Variants in GPR149 observed in about 807,000 individuals in gnomAD.
The protein encoded by GPR149 is G protein-coupled receptor 149, also known as probable G protein-coupled receptor 149.
In GPR149, 50 loss-of-function variants were observed where a neutral mutation model predicts 50.2. The observed-to-expected ratio is 1.00, with a 90% confidence interval of 0.79 to 1.26. The LOEUF (loss-of-function observed/expected upper bound fraction) is 1.26. Among genes scored for constraint, GPR149 ranks in the 50% most tolerant of loss-of-function variants. The pLI is 0.00. For missense variants in GPR149, 983 were observed against 895.4 expected, an observed-to-expected ratio of 1.10 and a Z score of -1.25; for synonymous variants, 405 against 358.2, an observed-to-expected ratio of 1.13 and a Z score of -1.48.
intron 3 of GPR149, chr3:154,353,460 A>G (rs1714135935): frequency 1.1e-6 from 1 of 941,994 alleles, no homozygotes; most frequent in Non-Finnish European, 1.8e-6. Flanking sequence ...CGTTTGATCC[A>G]CTTCATCAAG....
chr3:154,359,334 G>A (rs1714325288), intron 3 of GPR149, among the ~76,000 whole-genome samples: 2 of 152,132 alleles, frequency 1.3e-5, no homozygotes. Context: ...AGTTGGCCAA[G>A]AAAGGAAGTT....
intron 3 of GPR149, 56 bp downstream of exon 3, chr3:154,420,983 G>T: frequency 8.1e-7 from 1 of 1,237,882 alleles, no homozygotes; most frequent in South Asian, 1.5e-5. Context: ...TGTTTTTCAT[G>T]ACTATCATAT....
At chr3:154,372,996 G>A (rs1210187448) in intron 3 of GPR149, among the ~76,000 whole-genome samples, 1 of 152,162 alleles carries the variant, frequency 6.6e-6, no homozygotes, top group Non-Finnish European at 1.5e-5. Flanking sequence ...TCAGTAGCAG[G>A]AGATTGGGTC....
intron 2 of GPR149, 84 bp from the exon 3 acceptor site, chr3:154,421,571 A>T: frequency 1.5e-6 from 1 of 653,724 alleles, no homozygotes; most frequent in Non-Finnish European, 2.4e-6. Context: ...AAAAATAGAA[A>T]GCGCATTCAA....
chr3:154,374,098 A>G (rs567469605), intron 3 of GPR149, among the ~76,000 whole-genome samples: 68 of 151,980 alleles, frequency 4.5e-4, no homozygotes, highest in Middle Eastern at 3.4e-3. Flanking sequence ...CGAGAGCTCA[A>G]TCATATATCT....
At chr3:154,361,824 C>A (rs1252506843) in intron 3 of GPR149, among the ~76,000 whole-genome samples, 1 of 152,250 alleles carries the variant, frequency 6.6e-6, no homozygotes, top group South Asian at 2.1e-4. Context: ...GACCTCTAAT[C>A]TTTATTCTTT....
intron 3 of GPR149, among the ~76,000 whole-genome samples, chr3:154,366,975 T>G (rs1035269361): frequency 1.3e-5 from 2 of 152,218 alleles, no homozygotes; most frequent in African/African-American, 4.8e-5. Flanking sequence ...AGTTCATTTG[T>G]GCTGCTTTAA....
chr3:154,352,431 T>A, intron 3 of GPR149: 1 of 877,136 alleles, frequency 1.1e-6, no homozygotes, highest in Non-Finnish European at 2.0e-6. Context: ...CCTTTCTGAT[T>A]CAGTTGTAGG....
At chr3:154,373,527 A>G (rs1420949319) in intron 3 of GPR149, among the ~76,000 whole-genome samples, 2 of 152,192 alleles carry the variant, frequency 1.3e-5, no homozygotes, top group African/African-American at 4.8e-5. Context: ...TTTATCTGAC[A>G]GTTTCAATTT....
In GPR149 at chr3:154,412,047, A is replaced by C. The variant is rs142814066; in HGVS notation, c.1623+8992T>G. 7.2e-4 allele frequency among the ~76,000 whole-genome samples: 109 copies of C among 152,322 alleles called. 1 individual carries two copies. Among genetic ancestry groups the C allele is most frequent in the African/African-American group, 2.5e-3 (104 of 41,570 alleles). Reference sequence around the variant, plus strand: ...CAGGAATGCAGGAATGGTTTAACATATGTAAGTCCATAAATGTAATACACC... The same window carrying C: ...CAGGAATGCAGGAATGGTTTAACATCTGTAAGTCCATAAATGTAATACACC... On this transcript the variant is annotated intron_variant, in intron 3 of 3. Transcript: ENST00000389740.
chr3:154,416,128 C>G (rs1028006440), intron 3 of GPR149, among the ~76,000 whole-genome samples: 2 of 151,762 alleles, frequency 1.3e-5, no homozygotes, highest in Non-Finnish European at 2.9e-5. Flanking sequence ...AAAAGATGCA[C>G]AGTTTTTAGG....
chr3:154,392,096 A>G (rs1715185251), intron 3 of GPR149, among the ~76,000 whole-genome samples: 1 of 151,936 alleles, frequency 6.6e-6, no homozygotes, highest in South Asian at 2.1e-4. Context: ...TTTTAATAAT[A>G]TAACATTTGA....
At chr3:154,399,126 GC>G (rs1430946522) in intron 3 of GPR149, among the ~76,000 whole-genome samples, 1 of 151,530 alleles carries the variant, frequency 6.6e-6, no homozygotes, top group Non-Finnish European at 1.5e-5. Context: ...CGGAAGTTGG[GC>G]TTTGGTATTA....
At chr3:154,402,251 A>G (rs1711565311) in intron 3 of GPR149, among the ~76,000 whole-genome samples, 1 of 151,952 alleles carries the variant, frequency 6.6e-6, no homozygotes, top group Non-Finnish European at 1.5e-5. Flanking sequence ...AAATATTTTC[A>G]GTTTTTAAAA....
At chr3:154,346,106 A>T (rs772128108) in intron 3 of GPR149, among the ~76,000 whole-genome samples, 20 of 152,196 alleles carry the variant, frequency 1.3e-4, no homozygotes, top group Non-Finnish European at 2.5e-4. Flanking sequence ...ATGACTGACA[A>T]TTTTAATCCC....
Position 154,429,445 on chromosome 3 carries a change from G to A in GPR149, c.171C>T (p.Ser57=), listed in dbSNP as rs2108434280. 3 of 1,614,096 alleles carry A rather than the reference G, an allele frequency of 1.9e-6. No individual in the cohort carries two copies. The highest frequency in any genetic ancestry group is 2.5e-6 in the Non-Finnish European group (3 of 1,180,018). Residue 57 remains serine (S), a synonymous_variant, in exon 1 of 4, where the codon TCC becomes TCT. Coordinates refer to ENST00000389740, the MANE Select transcript of GPR149 (RefSeq NM_001038705.3). The part of the protein sequence containing the change: ...ALVGSIYSLI[S]LLKMQNRTVV... ...CAGTTCTGTTCTGCATTTTCAGCAG[G>A]GAAATTAGTGAATAAATGCTGCCCA...
In GPR149 at chr3:154,429,505, A is replaced by T; in HGVS notation, c.111T>A (p.Phe37Leu). The T allele has an allele frequency of 6.2e-7, 1 of 1,614,198 alleles. No homozygotes were observed. ...CAAAAGTCATGAGACATGTCAAGCAAAAAAGATAGATATTCAGGGTTCCTG... is the reference window on the plus strand; with the variant it reads ...CAAAAGTCATGAGACATGTCAAGCATAAAAGATAGATATTCAGGGTTCCTG... ...NPPGTLNIYL[F>L]CLTCLMTFAA... The change falls in exon 1 of 4, where the codon TTT becomes TTA. Residue 37 changes from phenylalanine to leucine, a missense_variant. Phe to Leu is a conservative substitution (Grantham distance 22). Transcript: ENST00000389740.
intron 3 of GPR149, among the ~76,000 whole-genome samples, chr3:154,345,003 G>A (rs143029030): frequency 1.4e-4 from 21 of 152,294 alleles, no homozygotes; most frequent in African/African-American, 3.9e-4. Flanking sequence ...GGACACTGGG[G>A]CTATGTGGCC....
At chr3:154,359,383 C>A (rs1181188118) in intron 3 of GPR149, among the ~76,000 whole-genome samples, 1 of 152,140 alleles carries the variant, frequency 6.6e-6, no homozygotes, top group Non-Finnish European at 1.5e-5. Context: ...ATGGCCATAA[C>A]CATTTGAAAA....
Sources: allele counts gnomAD v4.1 joint callset (sites outside exome capture counted in the v4.1 genomes callset), GRCh38; gene constraint gnomAD v4.1.1; transcripts MANE v1.5; gene names NCBI Gene and HGNC (gene_info 2026-07-23, HGNC 2026-07-21).